Variants in CDH23 observed in about 807,000 individuals in gnomAD.
CDH23 encodes the protein cadherin related 23.
A neutral mutation model predicts 317.1 loss-of-function variants in CDH23; 189 were observed. The observed-to-expected ratio is 0.60, with a 90% confidence interval of 0.53 to 0.67. CDH23 has a LOEUF of 0.67. Among genes scored for constraint, CDH23 ranks in the 30% least tolerant of loss-of-function variants. The probability of loss-of-function intolerance (pLI) is 0.00; values close to 1 mark genes in which losing one functional copy is unlikely to be tolerated. For missense variants in CDH23, 4,401 were observed against 4,592.4 expected (o/e 0.96, Z 1.20); for synonymous variants, 1,839 against 1,876.8 (o/e 0.98, Z 0.52).
intron 30 of CDH23, among the ~76,000 whole-genome samples, chr10:71,728,661 C>G (rs759410432): frequency 4.6e-5 from 7 of 152,240 alleles, no homozygotes; most frequent in Non-Finnish European, 1.0e-4. Flanking sequence ...AGCCCCTTCC[C>G]CATTTGCTTC....
intron 2 of CDH23, among the ~76,000 whole-genome samples, chr10:71,446,088 G>A (rs934639953): frequency 3.3e-5 from 5 of 152,186 alleles, no homozygotes; most frequent in Non-Finnish European, 7.3e-5. Context: ...CAGCAGGCAC[G>A]TGTGGCCGGT....
chr10:71,670,988 G>T (rs1298968362), intron 14 of CDH23, among the ~76,000 whole-genome samples: 2 of 148,638 alleles, frequency 1.3e-5, no homozygotes, highest in Non-Finnish European at 3.0e-5. Context: ...TTTTGACAGG[G>T]TCTCACTGTC....
chr10:71,804,730 GCTTACA>G (rs1477538237), intron 55 of CDH23, among the ~76,000 whole-genome samples: 1 of 152,162 alleles, frequency 6.6e-6, no homozygotes, highest in Non-Finnish European at 1.5e-5. Context: ...CAGGGACAGG[GCTTACA>G]CCTTGCTTCC....
At chr10:71,760,948 A>G (rs768732460) in intron 38 of CDH23, 7 of 1,612,784 alleles carry the variant, frequency 4.3e-6, no homozygotes, top group East Asian at 2.2e-5. Context: ...CAGAAGGGCC[A>G]TTAGGTGGGT....
At chr10:71,712,046 G>A (rs1589360911) in intron 27 of CDH23, 2 of 151,766 alleles carry the variant, frequency 1.3e-5, no homozygotes, top group East Asian at 3.8e-4. Flanking sequence ...TTCCTCCAAA[G>A]GCTCTAGAGA....
At chr10:71,737,537 A>G (rs1465368416) in intron 34 of CDH23, among the ~76,000 whole-genome samples, 1 of 152,252 alleles carries the variant, frequency 6.6e-6, no homozygotes, top group Non-Finnish European at 1.5e-5. Flanking sequence ...CAGCATGCAC[A>G]GGCTTAGCCG....
chr10:71,428,212 A>T (rs1849202366), intron 1 of CDH23, among the ~76,000 whole-genome samples: 1 of 142,996 alleles, frequency 7.0e-6, no homozygotes, highest in Non-Finnish European at 1.5e-5. Flanking sequence ...ATCTCGGCTT[A>T]CTGCAACCTC....
At position 71,505,488 on chromosome 10, in the gene CDH23, C is replaced by T. The variant is rs375007241; in HGVS notation, c.146-4594C>T. On this transcript the variant is annotated intron_variant, in intron 3 of 69. Coordinates refer to ENST00000224721, the MANE Select transcript of CDH23 (RefSeq NM_022124.6). ...TCTTCCACAGTAACTCGGCGAGCTC[C>T]GCTTACTGGGGCATTGGTTCCCGGC... Among the ~76,000 whole-genome samples the T allele has an allele frequency of 1.2e-4, 18 of 152,076 alleles. No homozygotes were observed. In the East Asian group the frequency reaches 1.5e-3, roughly 13 times the overall value.
At chr10:71,425,231 GGGAGAGAGAGAGAGA>G (rs1849006119) in intron 1 of CDH23, among the ~76,000 whole-genome samples, 2 of 36,336 alleles carry the variant, frequency 5.5e-5, no homozygotes, top group Non-Finnish European at 1.4e-4. Flanking sequence ...GAGAGAGAGA[GGGAGAGAGAGAGAGA>G]GAGAGAGAGA....
chr10:71,423,342 A>G (rs879318572), intron 1 of CDH23, among the ~76,000 whole-genome samples: 3 of 152,176 alleles, frequency 2.0e-5, no homozygotes, highest in Non-Finnish European at 4.4e-5. Context: ...CTTGCTGTGG[A>G]TTTGGTGCCT....
At chr10:71,458,468 T>C (rs1200818901) in intron 3 of CDH23, among the ~76,000 whole-genome samples, 1 of 152,228 alleles carries the variant, frequency 6.6e-6, no homozygotes, top group Non-Finnish European at 1.5e-5. Context: ...CTTCTGGAAA[T>C]TGAGATGATC....
intron 41 of CDH23, among the ~76,000 whole-genome samples, chr10:71,780,004 C>T (rs529800912): frequency 6.6e-6 from 1 of 152,314 alleles, no homozygotes; most frequent in South Asian, 2.1e-4. Context: ...AAGGAGCCTT[C>T]GTGGGAGATG....
chr10:71,483,073 G>A (rs1852154734), intron 3 of CDH23, among the ~76,000 whole-genome samples: 1 of 152,220 alleles, frequency 6.6e-6, no homozygotes, highest in Non-Finnish European at 1.5e-5. Flanking sequence ...GCCCGTCCTG[G>A]CGGATGGAGG....
chr10:71,413,445 C>T (rs1241486894), intron 1 of CDH23, among the ~76,000 whole-genome samples: 2 of 151,946 alleles, frequency 1.3e-5, no homozygotes, highest in Admixed American at 6.6e-5. Flanking sequence ...TTTTCAAGAT[C>T]GTTTTGACTA....
chr10:71,541,074 G>C (rs1411628674), intron 6 of CDH23, among the ~76,000 whole-genome samples: 1 of 151,990 alleles, frequency 6.6e-6, no homozygotes, highest in Non-Finnish European at 1.5e-5. Flanking sequence ...CCAGAGCCCT[G>C]CTCCTGAGCA....
At chr10:71,538,934 T>C (rs1855847180) in intron 6 of CDH23, among the ~76,000 whole-genome samples, 1 of 152,220 alleles carries the variant, frequency 6.6e-6, no homozygotes, top group Non-Finnish European at 1.5e-5. Context: ...AGGAGACATG[T>C]GTAGGGACGA....
intron 14 of CDH23, among the ~76,000 whole-genome samples, chr10:71,672,778 C>T (rs977463687): frequency 6.6e-6 from 1 of 152,138 alleles, no homozygotes; most frequent in Non-Finnish European, 1.5e-5. Flanking sequence ...TGCTCCAGGC[C>T]CCAGGGTGAA....
intron 3 of CDH23, among the ~76,000 whole-genome samples, chr10:71,489,594 GGTGTGTGTGT>G (rs34392048): frequency 5.0e-5 from 7 of 139,880 alleles, no homozygotes; most frequent in East Asian, 2.1e-4. Flanking sequence ...AGTGCCTCGG[GGTGTGTGTGT>G]GTGTGTGTGT....
intron 6 of CDH23, among the ~76,000 whole-genome samples, chr10:71,515,374 TCTCTCTCTCTCTCTCTCTCTCA>T: frequency 9.0e-6 from 1 of 111,132 alleles, no homozygotes; most frequent in African/African-American, 4.5e-5. Flanking sequence ...TCTCTCTCTC[TCTCTCTCTCTCTCTCTCTCTCA>T]CACACACACA....
Sources: gnomAD v4.1 joint callset for allele counts (sites outside exome capture counted in the v4.1 genomes callset) on GRCh38, gnomAD v4.1.1 for gene constraint, MANE v1.5 for transcripts, NCBI Gene and HGNC (gene_info 2026-07-23, HGNC 2026-07-21) for gene names.